Variants in MYBPH observed in about 807,000 individuals in gnomAD.
MYBPH encodes the protein myosin-binding protein H.
A neutral mutation model predicts 53.6 loss-of-function variants in MYBPH; 49 were observed. The ratio of observed to expected loss-of-function variants is 0.91; its 90% CI spans 0.73 to 1.16. The LOEUF is 1.16. Among genes scored for constraint, MYBPH ranks in the 50% most tolerant of loss-of-function variants. MYBPH has a pLI of 0.00. For synonymous variants in MYBPH, 239 were observed against 249.6 expected, an observed-to-expected ratio of 0.96 and a Z score of 0.40; for missense variants, 558 against 624.1, an observed-to-expected ratio of 0.89 and a Z score of 1.13.
Position 203,170,390 on chromosome 1 carries a change from T to C in MYBPH, c.994A>G (p.Ile332Val). 2.5e-6 allele frequency: 4 copies of C among 1,614,144 alleles called. No homozygotes were observed. Among genetic ancestry groups the C allele is most frequent in the Non-Finnish European group, 1.7e-6 (2 of 1,180,018 alleles). Residue 332 changes from isoleucine to valine, a missense_variant, in exon 7 of 11, where the codon ATC (isoleucine) becomes GTC (valine). Physicochemically the swap from Ile to Val is conservative, Grantham distance 29. Coordinates refer to ENST00000255416, the MANE Select transcript of MYBPH (RefSeq NM_004997.3). The part of the protein sequence containing the change: ...PTTCTISDLI[I>V]GNSYSFRVFS... The stretch of plus-strand genomic sequence containing the variant: ...ACCCGGAAGGAGTACGAGTTGCCGA[T>C]GATGAGGTCAGAGATGGTGCAGGTG...
At chr1:203,175,243 C>T in intron 2 of MYBPH, 84 bp downstream of exon 2, 1 of 1,466,876 alleles carries the variant, frequency 6.8e-7, no homozygotes. Flanking sequence ...CCAGACTGAC[C>T]AACCACAGGG....
In MYBPH at chr1:203,169,333, A is replaced by T. The variant is rs574620213; in HGVS notation, c.1150T>A (p.Phe384Ile). The T allele has an allele frequency of 6.2e-7, 1 of 1,611,390 alleles. No homozygotes were observed. Among genetic ancestry groups the T allele is most frequent in the South Asian group, 1.1e-5 (1 of 90,696 alleles). ...IERDFSEAPSFTQPLADHTST... is the reference protein window; with the variant it reads ...IERDFSEAPSITQPLADHTST... ...GTGTGGTCAGCCAGGGGCTGGGTGA[A>T]TGAGGGGGCTTCTGAGAAGTCTCGC... The change falls in exon 8 of 11, where the codon TTC becomes ATC. Residue 384 changes from phenylalanine (F) to isoleucine (I), a missense_variant. Coordinates refer to ENST00000255416, the MANE Select transcript of MYBPH (RefSeq NM_004997.3).
At chr1:203,168,823 G>T (rs558551103) in intron 9 of MYBPH, 83 bp downstream of exon 9, 2 of 1,583,726 alleles carry the variant, frequency 1.3e-6, no homozygotes, top group Admixed American at 1.7e-5. Flanking sequence ...CCTTCTCTTC[G>T]GCCTTGATTT....
At position 203,171,013 on chromosome 1, in the gene MYBPH, C is replaced by T. The variant is rs764941059; in HGVS notation, c.933+48G>A. 1 of 1,537,440 alleles carries T rather than the reference C, an allele frequency of 6.5e-7. No homozygotes were observed. Among genetic ancestry groups the T allele is most frequent in the Admixed American group, 2.0e-5 (1 of 49,332 alleles). On this transcript the variant is annotated intron_variant, in intron 6 of 10. Coordinates refer to ENST00000255416, the MANE Select transcript of MYBPH (RefSeq NM_004997.3). This position sits in a 1 kb window ranked among gnomAD's most constrained non-coding sequence, Gnocchi z 4.2. ...TCAGTGGGATGGGCCTTCCCCACCA[C>T]CTTGACCACTTCGTACCCCGACCCC...
At position 203,175,356 on chromosome 1, in the gene MYBPH, C is replaced by T; in HGVS notation, c.311G>A (p.Gly104Asp). The T allele has an allele frequency of 2.6e-6, 4 of 1,526,726 alleles. No homozygotes were observed. The highest frequency in any genetic ancestry group is 3.5e-6 in the Non-Finnish European group (4 of 1,140,362). The allele number at this position is 1,526,726 out of a possible 1,614,324, so 94.6% of individuals were successfully genotyped here. A position where few individuals can be genotyped will look rare whatever the true frequency, so the allele number is the denominator to read the frequency against. ...CTCTCTGCAGAGCTCCAGCACATAG[C>T]CCTGGAGGCCCAGCCTCCCCAGCCT... ...PERLGRLGLQGYVLELCREGA... is the reference protein window; with the variant it reads ...PERLGRLGLQDYVLELCREGA... Residue 104 changes from glycine (G) to aspartate (D), a missense_variant, in exon 2 of 11, where the codon GGC (glycine) becomes GAC (aspartate). Physicochemically the swap from Gly to Asp is moderately conservative, Grantham distance 94 (BLOSUM62 -1). Transcript: ENST00000255416.
chr1:203,174,307 G>C, intron 3 of MYBPH, 123 bp downstream of exon 3: 2 of 1,457,788 alleles, frequency 1.4e-6, no homozygotes, highest in Non-Finnish European at 1.8e-6. Flanking sequence ...CGTGTGGCTT[G>C]TGCATGTGAG....
At chr1:203,176,359 G>T (rs1655809850), upstream of MYBPH, among the ~76,000 whole-genome samples, 1 of 152,138 alleles carries the variant, frequency 6.6e-6, no homozygotes, top group Admixed American at 6.5e-5. Flanking sequence ...GAATTGAGAT[G>T]CTGAGGGTGG....
At chr1:203,168,842 C>T in intron 9 of MYBPH, 64 bp downstream of exon 9, 3 of 1,594,944 alleles carry the variant, frequency 1.9e-6, no homozygotes, top group Non-Finnish European at 2.6e-6. Flanking sequence ...TTTAAGCTGT[C>T]TGCTGCCTCT....
At chr1:203,170,512 T>A in intron 6 of MYBPH, 62 bp from the exon 7 acceptor site, 1 of 1,571,136 alleles carries the variant, frequency 6.4e-7, no homozygotes, top group Non-Finnish European at 8.7e-7. Context: ...CTGCTTACCC[T>A]GGAGACCTTT....
Position 203,175,767 on chromosome 1 carries a change from C to T in MYBPH, c.-12G>A. 5.0e-6 allele frequency: 8 copies of T among 1,613,458 alleles called. No homozygotes were observed. Among genetic ancestry groups the T allele is most frequent in the African/African-American group, 1.3e-5 (1 of 75,008 alleles). ...TTTTTTTCCATCATTGCTGGACTGG[C>T]TGGGGGGCCAGGGTGGAGTGTGCAG... On this transcript the variant is annotated 5_prime_UTR_variant, in exon 1 of 11. Coordinates refer to ENST00000255416, the MANE Select transcript of MYBPH (RefSeq NM_004997.3).
chr1:203,173,034 T>C (rs1655729564), intron 3 of MYBPH, among the ~76,000 whole-genome samples: 1 of 152,168 alleles, frequency 6.6e-6, no homozygotes, highest in Non-Finnish European at 1.5e-5. Flanking sequence ...CAGCCAAGGA[T>C]CCTGGACAGG....
rs780282899 is a variant in MYBPH at position 203,174,473 on chromosome 1, C to T, written c.465G>A (p.Pro155=). 23 of 1,609,948 alleles carry T rather than the reference C, an allele frequency of 1.4e-5. No homozygotes were observed. The highest frequency in any genetic ancestry group is 2.7e-5 in the African/African-American group (2 of 74,856). ...GGATGGGCTGGTCCAGCATGGCCGG[C>T]GGGCCAGCCCCTGCAGAACTCACTG... The part of the protein sequence containing the change: ...VSAVSSAGAG[P]PAMLDQPIHI... The change falls in exon 3 of 11, where the codon CCG becomes CCA. Residue 155 remains proline (P), a synonymous_variant. Coordinates refer to ENST00000255416, the MANE Select transcript of MYBPH (RefSeq NM_004997.3).
chr1:203,176,612 G>T (rs1655814765), upstream of MYBPH, among the ~76,000 whole-genome samples: 1 of 152,160 alleles, frequency 6.6e-6, no homozygotes, highest in Admixed American at 6.5e-5. Context: ...TTCCAAGCAG[G>T]CTGTGGGCAT....
rs375224349 is a variant in MYBPH, at chr1:203,175,514, C to G, written c.205+37G>C. 3 of 1,612,482 alleles carry G rather than the reference C, an allele frequency of 1.9e-6. No homozygotes were observed. In the South Asian group the frequency reaches 3.3e-5, roughly 18 times the overall value. On this transcript the variant is annotated intron_variant, in intron 1 of 10. Coordinates refer to ENST00000255416, the MANE Select transcript of MYBPH (RefSeq NM_004997.3). ...AGAGCTCCCCTCCACCCCTGACATG[C>G]CTGCCTCCCTCCTCCCCCTGCCCCA... is the stretch of plus-strand genomic sequence containing the variant.
chr1:203,169,098 A>G lies in MYBPH; in HGVS notation c.1231-6T>C, dbSNP rs746534926. 5.0e-6 allele frequency: 8 copies of G among 1,613,668 alleles called. 2 individuals carry two copies. In the South Asian group the frequency reaches 8.8e-5, roughly 18 times the overall value. On this transcript the variant is annotated splice_polypyrimidine_tract_variant and splice_region_variant and intron_variant, in intron 8 of 10. Transcript: ENST00000255416. The stretch of plus-strand genomic sequence containing the variant: ...TTCATCCAGATGATCTTGGGCTGGG[A>G]GACATGGTCAGAAGAGAGCTGGGGA...
chr1:203,174,532 C>T lies in MYBPH; in HGVS notation c.406G>A (p.Ala136Thr). The change falls in exon 3 of 11, where the codon GCT (alanine) becomes ACT (threonine). Residue 136 changes from alanine (A) to threonine (T), a missense_variant. Transcript: ENST00000255416. ...CGCAGGAGGAACTTGTCTCCCAGAG[C>T]CAGGTTCCGCACAGTCTGCTGGGTC... ...MVTQQTVRNL[A>T]LGDKFLLRVS... The T allele has an allele frequency of 1.9e-6, 3 of 1,613,484 alleles. No individual in the cohort carries two copies. The highest frequency in any genetic ancestry group is 1.7e-6 in the Non-Finnish European group (2 of 1,179,504).
At position 203,175,779 on chromosome 1, in the gene MYBPH, G is replaced by A. The variant is rs1225367339; in HGVS notation, c.-24C>T. The A allele has an allele frequency of 1.2e-6, 2 of 1,612,214 alleles. No homozygotes were observed. The highest frequency in any genetic ancestry group is 1.7e-6 in the Non-Finnish European group (2 of 1,179,676). Reference sequence around the variant, plus strand: ...ATTGCTGGACTGGCTGGGGGGCCAGGGTGGAGTGTGCAGGGGTCAGCCGTT... The same window carrying A: ...ATTGCTGGACTGGCTGGGGGGCCAGAGTGGAGTGTGCAGGGGTCAGCCGTT... On this transcript the variant is annotated 5_prime_UTR_variant, in exon 1 of 11. Coordinates refer to ENST00000255416, the MANE Select transcript of MYBPH (RefSeq NM_004997.3).
At chr1:203,174,209 G>T in intron 3 of MYBPH, 1 of 703,108 alleles carries the variant, frequency 1.4e-6, no homozygotes, top group Non-Finnish European at 1.7e-6. Context: ...CGTGGGGGCT[G>T]GACCACTCAG....
chr1:203,175,106 G>C (rs901399108), intron 2 of MYBPH, among the ~76,000 whole-genome samples: 1 of 151,644 alleles, frequency 6.6e-6, no homozygotes, highest in Non-Finnish European at 1.5e-5. Flanking sequence ...GCTCCTTGGA[G>C]CTGAGGACAA....
Sources: gnomAD v4.1 joint callset for allele counts (sites outside exome capture counted in the v4.1 genomes callset) on GRCh38, gnomAD v4.1.1 for gene constraint, Gnocchi (gnomAD v3.1) non-coding constraint, MANE v1.5 for transcripts, NCBI Gene and HGNC (gene_info 2026-07-23, HGNC 2026-07-21) for gene names.